Variants in NBPF3 observed in about 807,000 individuals in gnomAD.
The protein encoded by NBPF3 is NBPF family member NBPF3.
Under a neutral mutation model 78.1 loss-of-function variants are expected in NBPF3, and 57 were observed. The ratio of observed to expected loss-of-function variants is 0.73; its 90% CI spans 0.59 to 0.91. NBPF3 has a LOEUF of 0.91. NBPF3 is among the 40% of genes least tolerant of loss of function. NBPF3 has a pLI of 0.00. For synonymous variants in NBPF3, 182 were observed against 271.7 expected (o/e 0.67, Z 3.25); for missense variants, 510 against 715.3 (o/e 0.71, Z 3.27).
At chr1:21,442,873 G>C (rs944432430) in intron 1 of NBPF3, among the ~76,000 whole-genome samples, 1 of 152,062 alleles carries the variant, frequency 6.6e-6, no homozygotes, top group African/African-American at 2.4e-5. Flanking sequence ...TGTTTCCCAG[G>C]TTGGTCTCGA....
intron 4 of NBPF3, among the ~76,000 whole-genome samples, chr1:21,471,098 C>T (rs1642567746): frequency 6.6e-6 from 1 of 152,146 alleles, no homozygotes. Flanking sequence ...CTGACTGCGG[C>T]TTCTCATGCT....
At chr1:21,479,276 T>A (rs866481375) in intron 9 of NBPF3, 73 bp from the exon 10 acceptor site, 1 of 1,472,578 alleles carries the variant, frequency 6.8e-7, no homozygotes, top group African/African-American at 1.4e-5. Context: ...GTGTTAGGAT[T>A]GGACAGAGGA....
At chr1:21,443,847 A>G (rs1364180396) in intron 1 of NBPF3, among the ~76,000 whole-genome samples, 3 of 152,158 alleles carry the variant, frequency 2.0e-5, no homozygotes, top group Non-Finnish European at 4.4e-5. Flanking sequence ...CTGGGCTGAA[A>G]TGATCCTCCC....
rs1570108579 is a variant in NBPF3 at position 21,480,706 on chromosome 1, G to A, written c.1382-224G>A. 4.6e-5 allele frequency among the ~76,000 whole-genome samples: 7 copies of A among 152,420 alleles called. No individual in the cohort carries two copies. In the South Asian group the frequency reaches 1.4e-3, roughly 32 times the overall value. ...ACAAACTTGGGATAAATGATTTTGG[G>A]ATAACTGTCTACCAGAATAGGGACA... On this transcript the variant is annotated intron_variant, in intron 11 of 14. Transcript: ENST00000318249.
At chr1:21,455,241 G>A (rs12065649) in intron 2 of NBPF3, among the ~76,000 whole-genome samples, 6,379 of 152,208 alleles carry the variant, frequency 0.042, 260 homozygotes, top group African/African-American at 0.12. Flanking sequence ...AAATTTGACC[G>A]ATTTGGGATC....
intron 7 of NBPF3, among the ~76,000 whole-genome samples, chr1:21,473,788 A>T (rs1642740400): frequency 6.6e-6 from 1 of 152,210 alleles, no homozygotes; most frequent in African/African-American, 2.4e-5. Flanking sequence ...TGGACCCCAG[A>T]CAAGTGTGAC....
chr1:21,457,993 G>A (rs751951569), intron 2 of NBPF3, among the ~76,000 whole-genome samples: 1 of 152,234 alleles, frequency 6.6e-6, no homozygotes, highest in Non-Finnish European at 1.5e-5. Flanking sequence ...ATATGTGTAT[G>A]TGGAAGTGTG....
intron 1 of NBPF3, among the ~76,000 whole-genome samples, chr1:21,443,101 G>C (rs1640756894): frequency 6.6e-6 from 1 of 152,164 alleles, no homozygotes; most frequent in African/African-American, 2.4e-5. Flanking sequence ...TATGAAATTA[G>C]TGTGGGTCTG....
intron 4 of NBPF3, among the ~76,000 whole-genome samples, 185 bp downstream of exon 4, chr1:21,470,919 G>A (rs999340071): frequency 2.0e-5 from 3 of 152,166 alleles, no homozygotes; most frequent in Admixed American, 6.5e-5. Flanking sequence ...ATGGGTTGCA[G>A]TTGTTTTTCA....
intron 2 of NBPF3, among the ~76,000 whole-genome samples, chr1:21,459,376 A>T (rs909863619): frequency 2.6e-5 from 4 of 152,236 alleles, no homozygotes; most frequent in African/African-American, 9.6e-5. Flanking sequence ...ATATCAAAGT[A>T]AAAGAATACA....
chr1:21,449,402 A>C (rs1558477862), intron 2 of NBPF3, among the ~76,000 whole-genome samples: 1 of 152,204 alleles, frequency 6.6e-6, no homozygotes, highest in Non-Finnish European at 1.5e-5. Flanking sequence ...ATCTGCTATG[A>C]AAATCGAGAT....
chr1:21,466,173 G>T (rs1156322048), intron 2 of NBPF3: 2 of 978,100 alleles, frequency 2.0e-6, no homozygotes, highest in African/African-American at 3.5e-5. Flanking sequence ...GCAGGGGCAA[G>T]TCCAGGTCAT....
Position 21,480,192 on chromosome 1 carries a change from A to G in NBPF3, c.1350A>G (p.Glu450=), listed in dbSNP as rs759604502. 7 of 1,243,990 alleles carry G rather than the reference A, an allele frequency of 5.6e-6. 1 individual carries two copies. Among genetic ancestry groups the G allele is most frequent in the Non-Finnish European group, 8.0e-6 (7 of 874,820 alleles). The allele number at this position is 1,243,990 out of a possible 1,614,324, so 77.1% of individuals were successfully genotyped here. A position where few individuals can be genotyped will look rare whatever the true frequency, so the allele number is the denominator to read the frequency against. Residue 450 remains glutamate, a synonymous_variant, in exon 11 of 15, where the codon GAA becomes GAG. Coordinates refer to ENST00000318249, the MANE Select transcript of NBPF3 (RefSeq NM_032264.6). ...PYRSDFYSLQ[E]QHLGLALDLD... is the part of the protein sequence containing the mutation. ...GAAGTGACTTTTACTCATTGCAGGA[A>G]CAACACCTTGGCTTGGCTCTTGACT...
chr1:21,457,445 GAAAC>G (rs1179768978), intron 2 of NBPF3, among the ~76,000 whole-genome samples: 4 of 150,658 alleles, frequency 2.7e-5, no homozygotes, highest in African/African-American at 7.3e-5. Context: ...TGTCTAATAA[GAAAC>G]AACACAATGA....
At chr1:21,458,185 A>G (rs1366250693) in intron 2 of NBPF3, among the ~76,000 whole-genome samples, 1 of 152,114 alleles carries the variant, frequency 6.6e-6, no homozygotes, top group East Asian at 1.9e-4. Context: ...GACCTCCAAT[A>G]AACTTGTTTG....
chr1:21,444,665 C>T (rs1480011838), intron 1 of NBPF3, among the ~76,000 whole-genome samples: 1 of 152,156 alleles, frequency 6.6e-6, no homozygotes, highest in Non-Finnish European at 1.5e-5. Flanking sequence ...CTAAGGAATC[C>T]TCCTGCCTCA....
chr1:21,479,816 C>CTGTGTGTG (rs1476158141), intron 10 of NBPF3, among the ~76,000 whole-genome samples: 168 of 45,702 alleles, frequency 3.7e-3, no homozygotes, highest in African/African-American at 7.2e-3. Flanking sequence ...CTCTCTCTCT[C>CTGTGTGTG]TCTCTGTGTG....
chr1:21,471,903 C>A, intron 5 of NBPF3, 120 bp downstream of exon 5: 1 of 1,367,080 alleles, frequency 7.3e-7, no homozygotes, highest in Non-Finnish European at 1.0e-6. Context: ...CGTATGTGGC[C>A]GTGACATAAG....
intron 2 of NBPF3, among the ~76,000 whole-genome samples, 177 bp downstream of exon 2, chr1:21,445,396 G>A (rs1022316178): frequency 6.6e-6 from 1 of 152,196 alleles, no homozygotes; most frequent in Admixed American, 6.5e-5. Flanking sequence ...AGCCTGTGCC[G>A]CCCATGGCCT....
Sources: allele counts gnomAD v4.1 joint callset (sites outside exome capture counted in the v4.1 genomes callset), GRCh38; gene constraint gnomAD v4.1.1; transcripts MANE v1.5; gene names NCBI Gene and HGNC (gene_info 2026-07-23, HGNC 2026-07-21).